The following GARNL3 variants were observed in gnomAD, a reference collection of about 807,000 sequenced individuals.
The protein encoded by GARNL3 is GTPase-activating Rap/Ran-GAP domain-like protein 3.
In GARNL3, 63 loss-of-function variants were observed where a neutral mutation model predicts 125.0. That is an observed-to-expected ratio of 0.50 (90% CI 0.41 to 0.62). GARNL3 has a LOEUF of 0.62. Ranked by LOEUF, GARNL3 falls within the 20% of genes least tolerant of loss-of-function variation. GARNL3 has a pLI of 0.00. For missense variants in GARNL3, 994 were observed against 1,244.0 expected (o/e 0.80, Z 3.02); for synonymous variants, 439 against 457.5 (o/e 0.96, Z 0.52).
At chr9:127,308,456 G>A (rs2065013230) in intron 2 of GARNL3, among the ~76,000 whole-genome samples, 1 of 152,004 alleles carries the variant, frequency 6.6e-6, no homozygotes, top group Non-Finnish European at 1.5e-5. Context: ...GAGTGACAAA[G>A]TTATCTGTTT....
intron 1 of GARNL3, among the ~76,000 whole-genome samples, chr9:127,273,652 G>A (rs1161258710): frequency 6.6e-6 from 1 of 152,128 alleles, no homozygotes; most frequent in Non-Finnish European, 1.5e-5. Flanking sequence ...TGGACAGAGT[G>A]GAAAGCAGCC....
intron 22 of GARNL3, among the ~76,000 whole-genome samples, chr9:127,367,782 T>C (rs1564185335): frequency 6.6e-6 from 1 of 152,180 alleles, no homozygotes; most frequent in Non-Finnish European, 1.5e-5. Context: ...GTGCCCCTTG[T>C]TTTTGATGCG....
chr9:127,282,936 T>G (rs981522073), intron 1 of GARNL3, among the ~76,000 whole-genome samples: 1 of 152,260 alleles, frequency 6.6e-6, no homozygotes, highest in Non-Finnish European at 1.5e-5. Context: ...TTATAGTTAA[T>G]AACATTTTAT....
chr9:127,356,700 A>T (rs1358751002), intron 20 of GARNL3, among the ~76,000 whole-genome samples: 2 of 152,228 alleles, frequency 1.3e-5, no homozygotes, highest in Admixed American at 1.3e-4. Context: ...CATTTATGTA[A>T]TATGAGCACT....
At chr9:127,333,903 C>G (rs1271418132) in intron 9 of GARNL3, among the ~76,000 whole-genome samples, 1 of 152,032 alleles carries the variant, frequency 6.6e-6, no homozygotes, top group Non-Finnish European at 1.5e-5. Context: ...TAGATCTGTA[C>G]CTTTGAGCAG....
At chr9:127,301,627 A>G (rs2064790902) in intron 2 of GARNL3, among the ~76,000 whole-genome samples, 1 of 152,100 alleles carries the variant, frequency 6.6e-6, no homozygotes, top group Admixed American at 6.6e-5. Context: ...GTCTACATTG[A>G]ATTTAATCTC....
At chr9:127,269,068 G>A (rs2063761958) in intron 1 of GARNL3, among the ~76,000 whole-genome samples, 1 of 152,134 alleles carries the variant, frequency 6.6e-6, no homozygotes, top group South Asian at 2.1e-4. Context: ...GCACAGTCAT[G>A]GCTCACTGCA....
At position 127,389,071 on chromosome 9, in the gene GARNL3, C is replaced by A. The variant is rs765686147; in HGVS notation, c.2695C>A (p.Arg899Ser). 7 of 1,614,034 alleles carry A rather than the reference C, an allele frequency of 4.3e-6. No individual in the cohort carries two copies. Among genetic ancestry groups the A allele is most frequent in the Non-Finnish European group, 5.9e-6 (7 of 1,180,022 alleles). The change falls in exon 26 of 28, where the codon CGC becomes AGC. Residue 899 changes from arginine to serine, a missense_variant. By Grantham distance (110) the Arg-to-Ser change is moderately radical. This residue lies in a region of GARNL3 where 728 missense variants were observed against 865.7 expected (regional missense o/e 0.84). Coordinates refer to ENST00000373387, the MANE Select transcript of GARNL3 (RefSeq NM_032293.5). ...IPVTHSLSLSRMEIKEIASRT... is the reference protein window; with the variant it reads ...IPVTHSLSLSSMEIKEIASRT... ...AGTCACGCACTCCTTGTCCCTGTCT[C>A]GCATGGAGATCAAAGAAATAGCAAG...
chr9:127,241,936 TTTG>T (rs148526680), intron 1 of GARNL3, among the ~76,000 whole-genome samples: 26,614 of 150,254 alleles, frequency 0.18, 3,150 homozygotes, highest in African/African-American at 0.34. Context: ...CCCGGCCTGG[TTTG>T]TTGTTGTTGT....
At position 127,333,096 on chromosome 9, in the gene GARNL3, C is replaced by T; in HGVS notation, c.744C>T (p.Gly248=). ...GDTITLKGWT[G]YRGGLDTKND... Reference sequence around the variant, plus strand: ...CAATCACTCTAAAGGGCTGGACGGGCTACCGTGGCGGTCTGGATACCAAAA... The same window carrying T: ...CAATCACTCTAAAGGGCTGGACGGGTTACCGTGGCGGTCTGGATACCAAAA... Residue 248 remains glycine, a synonymous_variant, in exon 9 of 28, where the codon GGC becomes GGT. Coordinates refer to ENST00000373387, the MANE Select transcript of GARNL3 (RefSeq NM_032293.5). 1.9e-6 allele frequency: 3 copies of T among 1,613,948 alleles called. No individual in the cohort carries two copies. The highest frequency in any genetic ancestry group is 1.7e-6 in the Non-Finnish European group (2 of 1,179,844).
At position 127,267,691 on chromosome 9, in the gene GARNL3, T is replaced by C. The variant is rs374968962; in HGVS notation, c.144+2670T>C. ...AGTGTTTTAAGAGGAGCGTGATGTT[T>C]CCTCTCACTTCTGAACAACAGAGTA... On this transcript the variant is annotated intron_variant, in intron 1 of 27. Transcript: ENST00000373387. 5.9e-5 allele frequency among the ~76,000 whole-genome samples: 9 copies of C among 152,322 alleles called. No homozygotes were observed. The East Asian group carries it at 1.5e-3, about 26-fold the overall frequency.
chr9:127,355,691 C>T (rs1343085508), intron 20 of GARNL3, among the ~76,000 whole-genome samples: 1 of 152,186 alleles, frequency 6.6e-6, no homozygotes, highest in Non-Finnish European at 1.5e-5. Context: ...GTACGAAGGA[C>T]ACAGCGATGA....
intron 22 of GARNL3, among the ~76,000 whole-genome samples, chr9:127,377,121 G>A (rs757719175): frequency 5.3e-5 from 8 of 152,174 alleles, no homozygotes; most frequent in Non-Finnish European, 1.2e-4. Flanking sequence ...GATTTGTCAT[G>A]AAGGATGATT....
intron 1 of GARNL3, among the ~76,000 whole-genome samples, chr9:127,265,616 T>C (rs570667403): frequency 6.6e-6 from 1 of 152,340 alleles, no homozygotes; most frequent in East Asian, 1.9e-4. Flanking sequence ...AAAAGAGCCA[T>C]AATGAAAGCA....
rs116601664 is a variant in GARNL3 at position 127,335,868 on chromosome 9, A to T, written c.874-260A>T. On this transcript the variant is annotated intron_variant, in intron 10 of 27. Coordinates refer to ENST00000373387, the MANE Select transcript of GARNL3 (RefSeq NM_032293.5). Reference sequence around the variant, plus strand: ...AACACTGAGTATCTACATGGGATGTACCAGGCTGGGAAAAAACCTCTATCT... The same window carrying T: ...AACACTGAGTATCTACATGGGATGTTCCAGGCTGGGAAAAAACCTCTATCT... Among the ~76,000 whole-genome samples, 4 of 152,208 alleles carry T rather than the reference A, an allele frequency of 2.6e-5. No individual in the cohort carries two copies. The South Asian group carries it at 8.3e-4, about 32-fold the overall frequency.
At chr9:127,235,010 T>G (rs187769773) in intron 1 of GARNL3, among the ~76,000 whole-genome samples, 83 of 152,234 alleles carry the variant, frequency 5.5e-4, no homozygotes, top group Admixed American at 1.4e-3. Context: ...CCATCAGAAG[T>G]ATGTCAATAT....
chr9:127,319,283 G>T (rs1242242809), intron 5 of GARNL3, among the ~76,000 whole-genome samples: 1 of 152,062 alleles, frequency 6.6e-6, no homozygotes, highest in Non-Finnish European at 1.5e-5. Flanking sequence ...AGGAGTTCGA[G>T]ACCAGCCTGG....
intron 1 of GARNL3, among the ~76,000 whole-genome samples, chr9:127,239,832 C>CA (rs573090309): frequency 1.3e-5 from 2 of 150,984 alleles, no homozygotes; most frequent in East Asian, 1.9e-4. Context: ...GATGAAAGTG[C>CA]AAAAAAAGAA....
chr9:127,264,470 T>C, upstream of GARNL3: 1 of 981,090 alleles, frequency 1.0e-6, no homozygotes. Context: ...GATTGTGAAG[T>C]TTCTTTCTCT....
Sources: allele counts gnomAD v4.1 joint callset (sites outside exome capture counted in the v4.1 genomes callset), GRCh38; gene constraint gnomAD v4.1.1; regional missense constraint gnomAD v4.1.1; transcripts MANE v1.5; gene names NCBI Gene and HGNC (gene_info 2026-07-23, HGNC 2026-07-21).